MOB3B: variants seen among roughly 807,000 people sequenced by gnomAD.
The protein encoded by MOB3B is MOB kinase activator-like 2B.
Under a neutral mutation model 18.7 loss-of-function variants are expected in MOB3B, and 7 were observed. That is an observed-to-expected ratio of 0.37 (90% CI 0.21 to 0.70). The LOEUF is 0.70. Ranked by LOEUF, MOB3B falls within the 30% of genes least tolerant of loss-of-function variation. The pLI is 0.52. For synonymous variants in MOB3B, 111 were observed against 99.9 expected, an observed-to-expected ratio of 1.11 and a Z score of -0.66; for missense variants, 253 against 281.3, an observed-to-expected ratio of 0.90 and a Z score of 0.72.
At chr9:27,433,966 A>G (rs1822455392) in intron 2 of MOB3B, among the ~76,000 whole-genome samples, 1 of 152,196 alleles carries the variant, frequency 6.6e-6, no homozygotes, top group African/African-American at 2.4e-5. Flanking sequence ...ATAAAAGGAA[A>G]CAAGAGCAGG....
chr9:27,380,341 T>C (rs1222549547), intron 2 of MOB3B, among the ~76,000 whole-genome samples: 5 of 150,128 alleles, frequency 3.3e-5, no homozygotes, highest in South Asian at 2.1e-4. Context: ...CTTGGCTCAC[T>C]GCAACCTCCG....
intron 2 of MOB3B, among the ~76,000 whole-genome samples, chr9:27,400,755 A>G (rs1821865963): frequency 6.6e-6 from 1 of 152,172 alleles, no homozygotes; most frequent in Admixed American, 6.5e-5. Flanking sequence ...GCCTTTTATG[A>G]TGGTTCTTCT....
chr9:27,524,796 G>T (rs1820404352), intron 1 of MOB3B: 1 of 1,613,900 alleles, frequency 6.2e-7, no homozygotes, highest in Non-Finnish European at 8.5e-7. Context: ...AGAAGCCAGG[G>T]TCCCCCAGCT....
At chr9:27,519,061 T>C (rs56359331) in intron 1 of MOB3B, among the ~76,000 whole-genome samples, 8,758 of 152,242 alleles carry the variant, frequency 0.058, 424 homozygotes, top group African/African-American at 0.13. Flanking sequence ...AGAAGTAGTA[T>C]AGGACATTAA....
At chr9:27,500,251 ATATATAAAGTGTC>A (rs1819968935) in intron 1 of MOB3B, among the ~76,000 whole-genome samples, 1 of 152,118 alleles carries the variant, frequency 6.6e-6, no homozygotes, top group South Asian at 2.1e-4. Context: ...TGACTTATAG[ATATATAAAGTGTC>A]TTGTGAGAAA....
At position 27,484,376 on chromosome 9, in the gene MOB3B, A is replaced by G. The variant is rs192034272; in HGVS notation, c.-198-28628T>C. 3.4e-4 allele frequency among the ~76,000 whole-genome samples: 52 copies of G among 152,344 alleles called. No individual in the cohort carries two copies. In the East Asian group the frequency reaches 9.4e-3, roughly 28 times the overall value. ...GAAGGTGGGCTGTTTGCTTTCAGTT[A>G]TAATGGGTCTATGCTAAAAACAAAA... On this transcript the variant is annotated intron_variant, in intron 1 of 3. Transcript: ENST00000262244.
intron 2 of MOB3B, among the ~76,000 whole-genome samples, chr9:27,377,891 CA>C (rs1264898576): frequency 2.6e-5 from 4 of 152,356 alleles, no homozygotes; most frequent in Admixed American, 2.6e-4. Flanking sequence ...AGGTCCCCCA[CA>C]GGGGGTTGAA....
At chr9:27,498,107 C>G (rs936853896) in intron 1 of MOB3B, among the ~76,000 whole-genome samples, 5 of 152,172 alleles carry the variant, frequency 3.3e-5, no homozygotes, top group Non-Finnish European at 5.9e-5. Context: ...CTGCCCACCC[C>G]CTTCTCCAGG....
intron 1 of MOB3B, among the ~76,000 whole-genome samples, chr9:27,528,317 G>A (rs910348894): frequency 3.9e-5 from 6 of 152,192 alleles, no homozygotes; most frequent in African/African-American, 1.4e-4. Flanking sequence ...CAGCCCCAAC[G>A]CCTTTGGCTA....
rs546065244 is a variant in MOB3B, at chr9:27,377,876, A to G, written c.419-18640T>C. On this transcript the variant is annotated intron_variant, in intron 2 of 3. Coordinates refer to ENST00000262244, the MANE Select transcript of MOB3B (RefSeq NM_024761.5). ...AGTGTGGATAGTGACGTTCATTTGA[A>G]CCCTAGGTCCCCCACAGGGGGTTGA... Among the ~76,000 whole-genome samples, 33 of 152,278 alleles carry G rather than the reference A, an allele frequency of 2.2e-4. No individual in the cohort carries two copies. In the East Asian group the frequency reaches 4.3e-3, roughly 20 times the overall value.
At chr9:27,518,124 T>C (rs1000171367) in intron 1 of MOB3B, among the ~76,000 whole-genome samples, 2 of 152,230 alleles carry the variant, frequency 1.3e-5, no homozygotes, top group African/African-American at 2.4e-5. Context: ...ATACCTTTCT[T>C]TGTTCTTCAG....
At chr9:27,448,988 A>AGCATTCCT (rs1471679577) in intron 2 of MOB3B, among the ~76,000 whole-genome samples, 1 of 152,184 alleles carries the variant, frequency 6.6e-6, no homozygotes, top group Non-Finnish European at 1.5e-5. Context: ...TTCTCCTGCT[A>AGCATTCCT]ACCCATTCCT....
At chr9:27,366,999 T>C (rs1012452129) in intron 2 of MOB3B, among the ~76,000 whole-genome samples, 1 of 152,222 alleles carries the variant, frequency 6.6e-6, no homozygotes, top group African/African-American at 2.4e-5. Context: ...GAGTCTCTGC[T>C]TCAGGTCTGT....
chr9:27,528,228 G>A (rs1257905579), intron 1 of MOB3B, among the ~76,000 whole-genome samples: 1 of 152,196 alleles, frequency 6.6e-6, no homozygotes, highest in Non-Finnish European at 1.5e-5. Flanking sequence ...CCCGCCCTTG[G>A]AAACTTGTGG....
intron 1 of MOB3B, among the ~76,000 whole-genome samples, chr9:27,506,117 G>A (rs1262337508): frequency 6.6e-6 from 1 of 152,152 alleles, no homozygotes; most frequent in African/African-American, 2.4e-5. Flanking sequence ...GCTCTGGATC[G>A]CTACTGCAGT....
chr9:27,470,229 C>A (rs2131466477), intron 1 of MOB3B, among the ~76,000 whole-genome samples: 1 of 151,844 alleles, frequency 6.6e-6, no homozygotes, highest in South Asian at 2.1e-4. Context: ...CCTTTTAAAG[C>A]AACATAGCTC....
chr9:27,357,150 T>TA (rs1419061085), intron 3 of MOB3B, among the ~76,000 whole-genome samples: 1 of 60,116 alleles, frequency 1.7e-5, no homozygotes, highest in Non-Finnish European at 3.9e-5. Context: ...ATATATGTGT[T>TA]TTTTTTTTTG....
chr9:27,377,411 G>T (rs909763268), intron 2 of MOB3B, among the ~76,000 whole-genome samples: 1 of 152,112 alleles, frequency 6.6e-6, no homozygotes, highest in Non-Finnish European at 1.5e-5. Flanking sequence ...GAAAATACAC[G>T]GCTAGAGAGC....
chr9:27,409,118 C>G (rs1038113022), intron 2 of MOB3B, among the ~76,000 whole-genome samples: 8 of 152,178 alleles, frequency 5.3e-5, no homozygotes, highest in Admixed American at 1.3e-4. Flanking sequence ...TAAGTTAGGT[C>G]ACATAGCTAG....
Sources: allele counts gnomAD v4.1 joint callset (sites outside exome capture counted in the v4.1 genomes callset), GRCh38; gene constraint gnomAD v4.1.1; transcripts MANE v1.5; gene names NCBI Gene and HGNC (gene_info 2026-07-23, HGNC 2026-07-21).